Variants in EPAS1 observed in about 807,000 individuals in gnomAD.
The protein encoded by EPAS1 is endothelial PAS domain protein 1.
In EPAS1, 23 loss-of-function variants were observed where a neutral mutation model predicts 87.9. The observed-to-expected ratio is 0.26, with a 90% confidence interval of 0.19 to 0.37. EPAS1 has a LOEUF of 0.37. EPAS1 is among the 10% of genes least tolerant of loss of function. The pLI is 1.00. For synonymous variants in EPAS1, 508 were observed against 444.3 expected (o/e 1.14, Z -1.80); for missense variants, 1,138 against 1,120.7 (o/e 1.02, Z -0.22).
chr2:46,312,869 G>T (rs1240996453), intron 1 of EPAS1, among the ~76,000 whole-genome samples: 1 of 152,148 alleles, frequency 6.6e-6, no homozygotes, highest in African/African-American at 2.4e-5. Flanking sequence ...TCCCTCCCCT[G>T]TGGAGATGGA....
Position 46,360,866 on chromosome 2 carries a change from C to A in EPAS1, c.574-19C>A. 6.2e-7 allele frequency: 1 copy of A among 1,614,106 alleles called. No individual in the cohort carries two copies. Among genetic ancestry groups the A allele is most frequent in the Non-Finnish European group, 8.5e-7 (1 of 1,179,998 alleles). ...CAGCACTCTCGGCTCCATGTCTGACCCTTCCACGCCTGTCTCAGGTCTTGC... is the reference window on the plus strand; with the variant it reads ...CAGCACTCTCGGCTCCATGTCTGACACTTCCACGCCTGTCTCAGGTCTTGC... On this transcript the variant is annotated intron_variant, in intron 5 of 15. Coordinates refer to ENST00000263734, the MANE Select transcript of EPAS1 (RefSeq NM_001430.5). The surrounding 1 kb of genome is among the most constrained non-coding windows in gnomAD (Gnocchi z 4.5).
intron 2 of EPAS1, among the ~76,000 whole-genome samples, chr2:46,354,410 G>A (rs950259086): frequency 1.3e-5 from 2 of 151,992 alleles, no homozygotes; most frequent in South Asian, 2.1e-4. Flanking sequence ...ATAAGTAAAT[G>A]TCTTTGGAGT....
rs1376666026 is a variant in EPAS1 at position 46,346,983 on chromosome 2, G to A, written c.137G>A (p.Ser46Asn). The A allele has an allele frequency of 1.9e-6, 3 of 1,614,230 alleles. No individual in the cohort carries two copies. The highest frequency in any genetic ancestry group is 1.3e-5 in the African/African-American group (1 of 75,058). ...ELAHELPLPH[S>N]VSSHLDKASI... ...GCCCATGAGCTGCCTCTGCCCCACA[G>A]TGTGAGCTCCCATCTGGACAAGGCC... Residue 46 changes from serine to asparagine, a missense_variant, in exon 2 of 16, where the codon AGT (serine) becomes AAT (asparagine). Transcript: ENST00000263734. This position sits in a 1 kb window ranked among gnomAD's most constrained non-coding sequence, Gnocchi z 4.0.
At chr2:46,313,712 A>C (rs1683258455) in intron 1 of EPAS1, among the ~76,000 whole-genome samples, 1 of 152,106 alleles carries the variant, frequency 6.6e-6, no homozygotes, top group African/African-American at 2.4e-5. Flanking sequence ...TGGCCTCCCA[A>C]AGTGCTGGGA....
rs553637827 is a variant in EPAS1, at chr2:46,358,579, T to G, written c.454+1771T>G. Reference sequence around the variant, plus strand: ...CAGAAGCAAGTACCCTACTTCTCTGTTCCTCAGAGTCTTTCTTTTCAAATT... The same window carrying G: ...CAGAAGCAAGTACCCTACTTCTCTGGTCCTCAGAGTCTTTCTTTTCAAATT... On this transcript the variant is annotated intron_variant, in intron 4 of 15. Transcript: ENST00000263734. Among the ~76,000 whole-genome samples, 9 of 152,348 alleles carry G rather than the reference T, an allele frequency of 5.9e-5. No individual in the cohort carries two copies. In the South Asian group the frequency reaches 1.9e-3, roughly 32 times the overall value.
intron 1 of EPAS1, among the ~76,000 whole-genome samples, chr2:46,315,344 G>T (rs1683293736): frequency 1.3e-5 from 2 of 152,206 alleles, no homozygotes; most frequent in Admixed American, 1.3e-4. Flanking sequence ...GGGGGCGGGG[G>T]TGCATACTGT....
At chr2:46,323,295 G>A (rs1236416732) in intron 1 of EPAS1, among the ~76,000 whole-genome samples, 1 of 152,138 alleles carries the variant, frequency 6.6e-6, no homozygotes, top group East Asian at 1.9e-4. Flanking sequence ...ACTAAGTTTG[G>A]TGATGGATAT....
intron 1 of EPAS1, among the ~76,000 whole-genome samples, chr2:46,306,056 A>G (rs1277577108): frequency 6.6e-6 from 1 of 152,254 alleles, no homozygotes; most frequent in Admixed American, 6.5e-5. Flanking sequence ...AAGAGGACAC[A>G]TGAGCTGAAT....
At position 46,317,742 on chromosome 2, in the gene EPAS1, A is replaced by G. The variant is rs1253126528; in HGVS notation, c.26+19805A>G. Among the ~76,000 whole-genome samples, 8 of 152,190 alleles carry G rather than the reference A, an allele frequency of 5.3e-5. No homozygotes were observed. In the East Asian group the frequency reaches 1.5e-3, roughly 29 times the overall value. On this transcript the variant is annotated intron_variant, in intron 1 of 15. Coordinates refer to ENST00000263734, the MANE Select transcript of EPAS1 (RefSeq NM_001430.5). ...TAAGGCTCTTTCATCTACACTGAAA[A>G]TCTGTTTAGTGTAGCCACCTTCATC...
intron 1 of EPAS1, among the ~76,000 whole-genome samples, chr2:46,305,298 C>T (rs1683087810): frequency 6.6e-6 from 1 of 152,182 alleles, no homozygotes; most frequent in Non-Finnish European, 1.5e-5. Context: ...ATGTTATCCA[C>T]TTCTAAGTGA....
chr2:46,352,436 G>A (rs545221841), intron 2 of EPAS1, among the ~76,000 whole-genome samples: 8 of 152,338 alleles, frequency 5.3e-5, no homozygotes, highest in African/African-American at 1.9e-4. Context: ...AAGCAGACAT[G>A]AACACAGTAG....
rs113741213 is a variant in EPAS1, at chr2:46,376,722, C to A, written c.1218C>A (p.Thr406=). 13 of 1,612,762 alleles carry A rather than the reference C, an allele frequency of 8.1e-6. No individual in the cohort carries two copies. Among genetic ancestry groups the A allele is most frequent in the Non-Finnish European group, 1.1e-5 (13 of 1,179,960 alleles). ...AGGAGCTGGCCCAGCTGGCTCCCAC[C>A]CCAGGAGACGCCATCATCTCTCTGG... ...EPEELAQLAP[T]PGDAIISLDF... The change falls in exon 9 of 16, where the codon ACC becomes ACA. Residue 406 remains threonine, a synonymous_variant. Transcript: ENST00000263734.
chr2:46,333,067 G>C (rs530574726), intron 1 of EPAS1, among the ~76,000 whole-genome samples: 1 of 152,322 alleles, frequency 6.6e-6, no homozygotes, highest in South Asian at 2.1e-4. Context: ...TTAGTATACA[G>C]GGATTTGTTT....
chr2:46,376,050 C>T lies in EPAS1; in HGVS notation c.1034+213C>T, dbSNP rs182704012. On this transcript the variant is annotated intron_variant, in intron 8 of 15. Transcript: ENST00000263734. ...TACTGGGTTGGGATTTTTTTTTCTG[C>T]GCTTTCCCTGGCATCTGTCATTTAT... Among the ~76,000 whole-genome samples the T allele has an allele frequency of 5.9e-5, 9 of 152,132 alleles. No homozygotes were observed. In the East Asian group the frequency reaches 7.7e-4, roughly 13 times the overall value.
intron 1 of EPAS1, among the ~76,000 whole-genome samples, chr2:46,311,486 T>A (rs1683211472): frequency 1.3e-5 from 2 of 152,120 alleles, no homozygotes; most frequent in South Asian, 4.1e-4. Flanking sequence ...AGAACTCCCC[T>A]AGGCTAGAAA....
intron 2 of EPAS1, among the ~76,000 whole-genome samples, chr2:46,350,655 G>C (rs556281030): frequency 6.6e-6 from 1 of 152,326 alleles, no homozygotes; most frequent in Admixed American, 6.5e-5. Flanking sequence ...AACCATGAGC[G>C]AATCAGGGTC....
chr2:46,342,738 G>A (rs1450927802), intron 1 of EPAS1, among the ~76,000 whole-genome samples: 3 of 152,208 alleles, frequency 2.0e-5, no homozygotes, highest in African/African-American at 7.2e-5. Flanking sequence ...CCTAAGCCAT[G>A]CTCGGAGCAA....
intron 2 of EPAS1, among the ~76,000 whole-genome samples, chr2:46,352,134 A>G (rs4953357): frequency 0.24 from 36,972 of 152,120 alleles, 4,829 homozygotes; most frequent in Admixed American, 0.32. Flanking sequence ...TTGGGGTCAG[A>G]CCCTGAAGGG....
intron 1 of EPAS1, among the ~76,000 whole-genome samples, chr2:46,345,582 T>TATA (rs148653808): frequency 5.9e-5 from 9 of 151,446 alleles, no homozygotes; most frequent in East Asian, 1.9e-4. Flanking sequence ...GTAAATTAGG[T>TATA]ATAATAATAA....
Sources: gnomAD v4.1 joint callset for allele counts (sites outside exome capture counted in the v4.1 genomes callset) on GRCh38, gnomAD v4.1.1 for gene constraint, Gnocchi (gnomAD v3.1) non-coding constraint, MANE v1.5 for transcripts, NCBI Gene and HGNC (gene_info 2026-07-23, HGNC 2026-07-21) for gene names.